Variants in CTTNBP2 observed in about 807,000 individuals in gnomAD.
CTTNBP2 encodes the protein cortactin-binding protein 2.
CTTNBP2 carries 108 observed loss-of-function variants against 156.9 expected under a neutral mutation model. That is an observed-to-expected ratio of 0.69 (90% CI 0.59 to 0.81). CTTNBP2 has a LOEUF of 0.81. Among genes scored for constraint, CTTNBP2 ranks in the 30% least tolerant of loss-of-function variants. The pLI is 0.00. For synonymous variants in CTTNBP2, 767 were observed against 751.8 expected, an observed-to-expected ratio of 1.02 and a Z score of -0.33; for missense variants, 1,924 against 2,035.4, an observed-to-expected ratio of 0.95 and a Z score of 1.05.
At chr7:117,741,225 G>A (rs895861788) in intron 14 of CTTNBP2, among the ~76,000 whole-genome samples, 4 of 152,148 alleles carry the variant, frequency 2.6e-5, no homozygotes, top group Non-Finnish European at 4.4e-5. Context: ...AGAGCAGGAG[G>A]AGGAGATAGA....
intron 2 of CTTNBP2, among the ~76,000 whole-genome samples, chr7:117,852,118 A>G (rs963591111): frequency 5.3e-5 from 8 of 152,156 alleles, no homozygotes; most frequent in Non-Finnish European, 8.8e-5. Context: ...TAGTGCCTCT[A>G]TCATGACCCT....
intron 3 of CTTNBP2, among the ~76,000 whole-genome samples, chr7:117,802,437 C>CAAAAAAAAAAAAAAAAAAAAAA (rs759797673): frequency 6.5e-4 from 54 of 83,684 alleles, no homozygotes; most frequent in Non-Finnish European, 1.1e-3. Flanking sequence ...TCAGCATTGG[C>CAAAAAAAAAAAAAAAAAAAAAA]AAAAAAAAAA....
intron 3 of CTTNBP2, among the ~76,000 whole-genome samples, chr7:117,803,730 A>G (rs1194435641): frequency 6.6e-6 from 1 of 152,124 alleles, no homozygotes; most frequent in Non-Finnish European, 1.5e-5. Context: ...GGAGACTTAT[A>G]GAGTTAAAGC....
At chr7:117,850,728 A>G (rs1315086511) in intron 2 of CTTNBP2, among the ~76,000 whole-genome samples, 2 of 152,202 alleles carry the variant, frequency 1.3e-5, no homozygotes, top group African/African-American at 2.4e-5. Flanking sequence ...CAGTGGGTCT[A>G]AGAAAAATAC....
chr7:117,759,105 A>G (rs550008115), intron 10 of CTTNBP2, among the ~76,000 whole-genome samples: 1 of 152,236 alleles, frequency 6.6e-6, no homozygotes, highest in East Asian at 1.9e-4. Context: ...AGTACATTAT[A>G]ACAATTCTAT....
intron 21 of CTTNBP2, among the ~76,000 whole-genome samples, chr7:117,718,828 T>C (rs1224854037): frequency 1.3e-5 from 2 of 152,190 alleles, no homozygotes; most frequent in Non-Finnish European, 2.9e-5. Context: ...TTCTTACTGA[T>C]AGATGACTGA....
chr7:117,753,169 T>C (rs898782329), intron 12 of CTTNBP2, among the ~76,000 whole-genome samples: 2 of 152,086 alleles, frequency 1.3e-5, no homozygotes, highest in African/African-American at 2.4e-5. Flanking sequence ...ACATCACTGA[T>C]CATTAGAGAA....
chr7:117,805,583 C>G (rs1799884068), intron 3 of CTTNBP2, among the ~76,000 whole-genome samples: 1 of 152,202 alleles, frequency 6.6e-6, no homozygotes, highest in African/African-American at 2.4e-5. Flanking sequence ...ACACTGCGAG[C>G]TCATTACATC....
At chr7:117,848,236 C>T (rs1802721692) in intron 2 of CTTNBP2, among the ~76,000 whole-genome samples, 1 of 152,020 alleles carries the variant, frequency 6.6e-6, no homozygotes. Context: ...GTCACACAGC[C>T]CCATCTGCTT....
chr7:117,840,418 G>A lies in CTTNBP2; in HGVS notation c.189+20791C>T, dbSNP rs372160450. 2.4e-4 allele frequency among the ~76,000 whole-genome samples: 37 copies of A among 152,144 alleles called. No homozygotes were observed. The East Asian group carries it at 7.0e-3, about 29-fold the overall frequency. On this transcript the variant is annotated intron_variant, in intron 2 of 22. Coordinates refer to ENST00000160373, the MANE Select transcript of CTTNBP2 (RefSeq NM_033427.3). ...TGGGGCGTACCTGGTCCCAGCTACT[G>A]GAGAGGCCACCTGGGGAGGATCATT...
In CTTNBP2 at chr7:117,711,715, C is replaced by T. The variant is rs752347575; in HGVS notation, c.4814G>A (p.Gly1605Asp). The change falls in exon 23 of 23, where the codon GGT becomes GAT. Residue 1605 changes from glycine to aspartate, a missense_variant. By Grantham distance (94) the Gly-to-Asp change is moderately conservative. Transcript: ENST00000160373. The stretch of plus-strand genomic sequence containing the variant: ...AAGAAAAGATTTAACTCTTGAAACA[C>T]CCAACTCAGTCTTTGATTTACTGTT... The part of the protein sequence containing the change: ...CSNSKSKTEL[G>D]VSRVKSFLPV... 1 of 1,613,998 alleles carries T rather than the reference C, an allele frequency of 6.2e-7. No homozygotes were observed.
intron 1 of CTTNBP2, among the ~76,000 whole-genome samples, chr7:117,867,434 T>C (rs1444690127): frequency 1.3e-5 from 2 of 152,180 alleles, no homozygotes; most frequent in African/African-American, 2.4e-5. Flanking sequence ...CATTTCCTCA[T>C]AGTAAACTTA....
intron 3 of CTTNBP2, among the ~76,000 whole-genome samples, chr7:117,796,613 C>T (rs1429178062): frequency 1.3e-5 from 2 of 152,132 alleles, no homozygotes; most frequent in Admixed American, 1.3e-4. Flanking sequence ...TTAAATAAGA[C>T]AACACGTGTA....
At position 117,810,996 on chromosome 7, in the gene CTTNBP2, C is replaced by T. The variant is rs921945121; in HGVS notation, c.190-7G>A. 8.2e-6 allele frequency: 13 copies of T among 1,592,488 alleles called. No individual in the cohort carries two copies. The East Asian group carries it at 2.9e-4, about 36-fold the overall frequency. ...ATACCTCCTTCCTGCGAGCCTGGAA[C>T]AAAATTAGAGAAATGTATTGAAGAA... On this transcript the variant is annotated splice_region_variant and splice_polypyrimidine_tract_variant and intron_variant, in intron 2 of 22. Transcript: ENST00000160373.
intron 14 of CTTNBP2, among the ~76,000 whole-genome samples, chr7:117,736,024 A>G (rs1795667309): frequency 6.6e-6 from 1 of 152,228 alleles, no homozygotes; most frequent in Non-Finnish European, 1.5e-5. Context: ...CAGTGGTTAC[A>G]TGGTTATTTT....
At chr7:117,844,045 A>T (rs1271841030) in intron 2 of CTTNBP2, among the ~76,000 whole-genome samples, 1 of 136,218 alleles carries the variant, frequency 7.3e-6, no homozygotes, top group African/African-American at 3.0e-5. Flanking sequence ...ACAGAAGCAG[A>T]AACGAAGAGA....
chr7:117,768,826 T>C (rs938998837), intron 8 of CTTNBP2, among the ~76,000 whole-genome samples: 1 of 152,204 alleles, frequency 6.6e-6, no homozygotes, highest in Non-Finnish European at 1.5e-5. Context: ...TGCATTTTTA[T>C]ATTTTGCTTC....
chr7:117,808,365 T>A (rs1450460152), intron 3 of CTTNBP2, among the ~76,000 whole-genome samples: 1 of 152,056 alleles, frequency 6.6e-6, no homozygotes, highest in Admixed American at 6.5e-5. Context: ...GGAGGCAAAG[T>A]TCCCCATGAT....
intron 3 of CTTNBP2, among the ~76,000 whole-genome samples, chr7:117,795,184 C>T (rs866637779): frequency 9.5e-4 from 145 of 151,838 alleles, no homozygotes; most frequent in African/African-American, 3.2e-3. Flanking sequence ...GCGTGACGAC[C>T]GCGCCCGGCC....
Sources: allele counts gnomAD v4.1 joint callset (sites outside exome capture counted in the v4.1 genomes callset), GRCh38; gene constraint gnomAD v4.1.1; transcripts MANE v1.5; gene names NCBI Gene and HGNC (gene_info 2026-07-23, HGNC 2026-07-21).